The following D2HGDH variants were observed in gnomAD, a reference collection of about 807,000 sequenced individuals.
D2HGDH encodes the protein D-2-hydroxyglutarate dehydrogenase, also known as D-2-hydroxyglutarate dehydrogenase, mitochondrial.
A neutral mutation model predicts 46.9 loss-of-function variants in D2HGDH; 31 were observed. The ratio of observed to expected loss-of-function variants is 0.66; its 90% CI spans 0.50 to 0.89. The LOEUF is 0.89. Ranked by LOEUF, D2HGDH falls within the 40% of genes least tolerant of loss-of-function variation. The pLI is 0.00. For missense variants in D2HGDH, 698 were observed against 720.8 expected (o/e 0.97, Z 0.36); for synonymous variants, 364 against 332.6 (o/e 1.09, Z -1.03).
At position 241,750,235 on chromosome 2, in the gene D2HGDH, T is replaced by G. The variant is rs760161842; in HGVS notation, c.938T>G (p.Met313Arg). 3 of 1,614,068 alleles carry G rather than the reference T, an allele frequency of 1.9e-6. No homozygotes were observed. Among genetic ancestry groups the G allele is most frequent in the Non-Finnish European group, 2.5e-6 (3 of 1,180,028 alleles). ...GAGATCCTGTCTGCATTCGAGTTCATGGATGCTGTGTGCATGCAGCTGGTC... is the reference window on the plus strand; with the variant it reads ...GAGATCCTGTCTGCATTCGAGTTCAGGGATGCTGTGTGCATGCAGCTGGTC... ...LGEILSAFEF[M>R]DAVCMQLVGR... is the part of the protein sequence containing the mutation. The change falls in exon 7 of 10, where the codon ATG (methionine) becomes AGG (arginine). Residue 313 changes from methionine to arginine, a missense_variant. Coordinates refer to ENST00000321264, the MANE Select transcript of D2HGDH (RefSeq NM_152783.5).
At chr2:241,747,923 G>C (rs1696305292) in intron 6 of D2HGDH, among the ~76,000 whole-genome samples, 1 of 152,114 alleles carries the variant, frequency 6.6e-6, no homozygotes, top group South Asian at 2.1e-4. Flanking sequence ...GGGCAAGTTG[G>C]TTGGGACAGG....
At chr2:241,744,670 G>A (rs1281012755) in intron 5 of D2HGDH, 39 bp from the exon 6 acceptor site, 2 of 1,614,048 alleles carry the variant, frequency 1.2e-6, no homozygotes, top group Non-Finnish European at 1.7e-6. Context: ...CTTGTCAGGA[G>A]GCTGGCAGGT....
chr2:241,735,143 A>G lies in D2HGDH; in HGVS notation c.-82A>G, dbSNP rs1284980769. On this transcript the variant is annotated 5_prime_UTR_variant, in exon 2 of 10. Transcript: ENST00000321264. ...CTTGGCCACTTCCAGGCGCGCAGCC[A>G]GCGGCTCCCTGCCCTTCCCCTCCGG... The G allele has an allele frequency of 5.1e-6, 7 of 1,383,110 alleles. No homozygotes were observed. The highest frequency in any genetic ancestry group is 6.6e-6 in the Non-Finnish European group (7 of 1,066,702). The allele number at this position is 1,383,110 out of a possible 1,614,324, so 85.7% of individuals were successfully genotyped here. A position where few individuals can be genotyped will look rare whatever the true frequency, so the allele number is the denominator to read the frequency against.
chr2:241,767,929 G>T lies in D2HGDH; in HGVS notation c.1526G>T (p.Gly509Val). Residue 509 changes from glycine (G) to valine (V), a missense_variant, in exon 10 of 10, where the codon GGC becomes GTC. Coordinates refer to ENST00000321264, the MANE Select transcript of D2HGDH (RefSeq NM_152783.5). ...QQLKALLDPK[G>V]ILNPYKTLPS... ...CTCAAGGCCCTGCTGGACCCCAAGGGCATCCTCAACCCCTACAAGACGCTG... is the reference window on the plus strand; with the variant it reads ...CTCAAGGCCCTGCTGGACCCCAAGGTCATCCTCAACCCCTACAAGACGCTG... The T allele has an allele frequency of 6.3e-7, 1 of 1,599,790 alleles. No homozygotes were observed.
chr2:241,759,035 A>T (rs1698485090), intron 9 of D2HGDH, among the ~76,000 whole-genome samples: 1 of 152,158 alleles, frequency 6.6e-6, no homozygotes. Context: ...TAGTTATTTT[A>T]AAAATTATTG....
intron 9 of D2HGDH, among the ~76,000 whole-genome samples, chr2:241,759,028 T>C (rs1263102634): frequency 2.0e-5 from 3 of 152,194 alleles, no homozygotes; most frequent in Non-Finnish European, 2.9e-5. Context: ...GGTTTTCTAG[T>C]TATTTTAAAA....
Position 241,735,231 on chromosome 2 carries a change from C to A in D2HGDH, c.7C>A (p.Pro3Thr). ...GGTCTCCGTCCCGGCGGCGATGCTGCCCCGTCGGCCTCTGGCGTGGCCCGC... is the reference window on the plus strand; with the variant it reads ...GGTCTCCGTCCCGGCGGCGATGCTGACCCGTCGGCCTCTGGCGTGGCCCGC... ML[P>T]RRPLAWPAWL... Residue 3 changes from proline to threonine, a missense_variant, in exon 2 of 10, where the codon CCC becomes ACC. By Grantham distance (38) the Pro-to-Thr change is conservative (BLOSUM62 -1). Coordinates refer to ENST00000321264, the MANE Select transcript of D2HGDH (RefSeq NM_152783.5). 6.6e-7 allele frequency: 1 copy of A among 1,513,070 alleles called. No individual in the cohort carries two copies. 93.7% of individuals were successfully genotyped at this position (1,513,070 alleles called of 1,614,324 possible). A position where few individuals can be genotyped will look rare whatever the true frequency, so the allele number is the denominator to read the frequency against.
chr2:241,750,809 C>T (rs1194116001), intron 7 of D2HGDH, among the ~76,000 whole-genome samples: 4 of 152,140 alleles, frequency 2.6e-5, no homozygotes, highest in East Asian at 1.9e-4. Flanking sequence ...CTCCACCTCC[C>T]GGGTTCAAAC....
At chr2:241,747,969 G>C (rs529605409) in intron 6 of D2HGDH, among the ~76,000 whole-genome samples, 1 of 152,216 alleles carries the variant, frequency 6.6e-6, no homozygotes, top group Non-Finnish European at 1.5e-5. Flanking sequence ...ATGTGGCCCT[G>C]TGGGGGTCTC....
chr2:241,755,892 G>A lies in D2HGDH; in HGVS notation c.1184G>A (p.Arg395Gln), dbSNP rs201921601. ...LRERITEALS[R>Q]DGYVYKYDLS... is the part of the protein sequence containing the mutation. Reference sequence around the variant, plus strand: ...GAAAGGATCACAGAGGCGCTGAGCCGGGATGGCTACGTGTACAAGTACGAC... The same window carrying A: ...GAAAGGATCACAGAGGCGCTGAGCCAGGATGGCTACGTGTACAAGTACGAC... The change falls in exon 9 of 10, where the codon CGG becomes CAG. Residue 395 changes from arginine (R) to glutamine (Q), a missense_variant. Transcript: ENST00000321264. 100 of 1,613,176 alleles carry A rather than the reference G, an allele frequency of 6.2e-5. No individual in the cohort carries two copies. In the African/African-American group the frequency reaches 9.1e-4, roughly 15 times the overall value.
chr2:241,754,989 G>T, intron 8 of D2HGDH: 1 of 1,249,752 alleles, frequency 8.0e-7, no homozygotes, highest in South Asian at 1.3e-5. Flanking sequence ...CCCTGCAGGG[G>T]AGAGGTGGTC....
chr2:241,735,077 G>A, intron 1 of D2HGDH, 56 bp from the exon 2 acceptor site: 2 of 871,314 alleles, frequency 2.3e-6, no homozygotes, highest in East Asian at 6.4e-5. Context: ...TTCTGCAAGC[G>A]TGTTTCAATT....
chr2:241,742,707 C>A lies in D2HGDH; in HGVS notation c.490+133C>A. ...GGGCCGGCGCTGGGGAAAGAACCAG[C>A]GTCTGTAGCCTGGCCGCCTAGCCCC... is the stretch of plus-strand genomic sequence containing the variant. On this transcript the variant is annotated intron_variant, in intron 4 of 9. Coordinates refer to ENST00000321264, the MANE Select transcript of D2HGDH (RefSeq NM_152783.5). This position sits in a 1 kb window ranked among gnomAD's most constrained non-coding sequence, Gnocchi z 4.8. The A allele has an allele frequency of 1.7e-6, 2 of 1,198,334 alleles. No individual in the cohort carries two copies. Among genetic ancestry groups the A allele is most frequent in the Non-Finnish European group, 2.4e-6 (2 of 821,528 alleles). The allele number at this position is 1,198,334 out of a possible 1,614,324, so 74.2% of individuals were successfully genotyped here.
At position 241,758,999 on chromosome 2, in the gene D2HGDH, CT is replaced by C. The variant is rs1483408542; in HGVS notation, c.1306+2987del. Among the ~76,000 whole-genome samples, 13 of 152,224 alleles carry C rather than the reference CT, an allele frequency of 8.5e-5. No individual in the cohort carries two copies. The East Asian group carries it at 2.5e-3, about 29-fold the overall frequency. On this transcript the variant is annotated intron_variant, in intron 9 of 9. Transcript: ENST00000321264. ...CGATGAGTTATGCAGAAGTGTGTTT[CT>C]TAATTTCCAAACGTGGTGGTTTTCT... is the stretch of plus-strand genomic sequence containing the variant.
chr2:241,735,943 A>G (rs187103189), intron 2 of D2HGDH: 10 of 231,258 alleles, frequency 4.3e-5, no homozygotes, highest in African/African-American at 1.9e-4. Flanking sequence ...TTGTATTTTT[A>G]GTAGAGACAG....
chr2:241,761,239 T>C (rs1303905190), intron 9 of D2HGDH, among the ~76,000 whole-genome samples: 2 of 152,046 alleles, frequency 1.3e-5, no homozygotes, highest in African/African-American at 2.4e-5. Context: ...CTAGAGGTGA[T>C]TTAAAGTATA....
intron 6 of D2HGDH, among the ~76,000 whole-genome samples, chr2:241,746,232 G>A (rs1024526003): frequency 2.6e-5 from 4 of 151,952 alleles, no homozygotes; most frequent in Non-Finnish European, 5.9e-5. Context: ...TGTCATCATC[G>A]TGTCTCTCTG....
intron 9 of D2HGDH, among the ~76,000 whole-genome samples, chr2:241,759,567 C>T (rs112433163): frequency 3.3e-5 from 5 of 152,268 alleles, no homozygotes; most frequent in African/African-American, 9.6e-5. Context: ...TTCTTGTGGA[C>T]GCCCCCGGAC....
At position 241,743,513 on chromosome 2, in the gene D2HGDH, G is replaced by A; in HGVS notation, c.491-109G>A. 1 of 1,298,320 alleles carries A rather than the reference G, an allele frequency of 7.7e-7. No homozygotes were observed. Among genetic ancestry groups the A allele is most frequent in the African/African-American group, 1.5e-5 (1 of 68,534 alleles). 80.4% of individuals were successfully genotyped at this position (1,298,320 alleles called of 1,614,324 possible). A position where few individuals can be genotyped will look rare whatever the true frequency, so the allele number is the denominator to read the frequency against. On this transcript the variant is annotated intron_variant, in intron 4 of 9. Transcript: ENST00000321264. This position sits in a 1 kb window ranked among gnomAD's most constrained non-coding sequence, Gnocchi z 4.8. Reference sequence around the variant, plus strand: ...TCTTCTCCTCAGCCCTGGCGCTGAGGCTGATGTTCCTTCTGGGTGGCTTGC... The same window carrying A: ...TCTTCTCCTCAGCCCTGGCGCTGAGACTGATGTTCCTTCTGGGTGGCTTGC...
Sources: allele counts gnomAD v4.1 joint callset (sites outside exome capture counted in the v4.1 genomes callset), GRCh38; gene constraint gnomAD v4.1.1; non-coding constraint Gnocchi (gnomAD v3.1); transcripts MANE v1.5; gene names NCBI Gene and HGNC (gene_info 2026-07-23, HGNC 2026-07-21).